Variants in ACE observed in about 807,000 individuals in gnomAD.
The protein encoded by ACE is angiotensin-converting enzyme.
A neutral mutation model predicts 162.3 loss-of-function variants in ACE; 122 were observed. The ratio of observed to expected loss-of-function variants is 0.75; its 90% CI spans 0.65 to 0.87. The LOEUF (loss-of-function observed/expected upper bound fraction) is 0.87, where lower values mean the gene tolerates loss of function less well. ACE is among the 40% of genes least tolerant of loss of function. The probability of loss-of-function intolerance (pLI) is 0.00; values close to 1 mark genes in which losing one functional copy is unlikely to be tolerated. For missense variants in ACE, 1,799 were observed against 1,735.1 expected, an observed-to-expected ratio of 1.04 and a Z score of -0.65; for synonymous variants, 796 against 720.6, an observed-to-expected ratio of 1.10 and a Z score of -1.68.
At chr17:63,485,171 G>T in intron 12 of ACE, 65 bp from the exon 13 acceptor site, 2 of 1,611,136 alleles carry the variant, frequency 1.2e-6, no homozygotes, top group Non-Finnish European at 1.7e-6. Flanking sequence ...ATGGCTTCTG[G>T]TGAGACCACA....
intron 17 of ACE, 117 bp downstream of exon 17, chr17:63,489,249 T>C: frequency 7.7e-7 from 1 of 1,291,308 alleles, no homozygotes; most frequent in Non-Finnish European, 1.1e-6. Context: ...ACTCCAGCCC[T>C]GTGGGGGATG....
chr17:63,481,462 A>G, intron 6 of ACE, 104 bp from the exon 7 acceptor site: 2 of 1,308,032 alleles, frequency 1.5e-6, no homozygotes, highest in Non-Finnish European at 2.1e-6. Context: ...CAGAGCAGAG[A>G]AGCTTTCATG....
In ACE at chr17:63,490,785, A is replaced by G. The variant is rs1599151183; in HGVS notation, c.2642-169A>G. 8 of 688,086 alleles carry G rather than the reference A, an allele frequency of 1.2e-5. No homozygotes were observed. The East Asian group carries it at 1.9e-4, about 16-fold the overall frequency. The allele number at this position is 688,086 out of a possible 1,614,324, so 42.6% of individuals were successfully genotyped here. A position where few individuals can be genotyped will look rare whatever the true frequency, so the allele number is the denominator to read the frequency against. ...GCAGTAATGACCTACTGGGCTGGAT[A>G]TGCACACCAAAGATGATGTGTGCCT... is the stretch of plus-strand genomic sequence containing the variant. On this transcript the variant is annotated intron_variant, in intron 17 of 24. Transcript: ENST00000290866.
rs780199864 is a variant in ACE at position 63,486,598 on chromosome 17, C to A, written c.2100C>A (p.Tyr700Ter). The stretch of plus-strand genomic sequence containing the variant: ...AAATAGCCAACCACACCCTGAAGTA[C>A]GGCACCCAGGCCAGGAAGTTTGATG... ...NMQIANHTLK[Y>*]GTQARKFDVN... Residue 700 changes from tyrosine to a stop codon, truncating the protein, a stop_gained, in exon 14 of 25, where the codon TAC (tyrosine) becomes TAA (stop). Transcript: ENST00000290866. LOFTEE classifies it high-confidence loss of function. 6.2e-7 allele frequency: 1 copy of A among 1,614,098 alleles called. No individual in the cohort carries two copies. The highest frequency in any genetic ancestry group is 1.3e-5 in the African/African-American group (1 of 74,930).
In ACE at chr17:63,483,979, G is replaced by A. The variant is rs760521014; in HGVS notation, c.1709+8G>A. ...GGCAGGGGCCAAGCTCCGGTGTGTGGTGGGAAGCCGGGGGAAGTGGGAGGC... is the reference window on the plus strand; with the variant it reads ...GGCAGGGGCCAAGCTCCGGTGTGTGATGGGAAGCCGGGGGAAGTGGGAGGC... On this transcript the variant is annotated splice_region_variant and intron_variant, in intron 11 of 24. Transcript: ENST00000290866. The A allele has an allele frequency of 2.5e-6, 4 of 1,611,536 alleles. No homozygotes were observed. The highest frequency in any genetic ancestry group is 1.3e-5 in the African/African-American group (1 of 74,868).
intron 24 of ACE, 66 bp downstream of exon 24, chr17:63,497,051 G>A (rs909497504): frequency 8.2e-6 from 13 of 1,586,434 alleles, no homozygotes; most frequent in East Asian, 2.3e-5. Flanking sequence ...GCAGCCATGC[G>A]GCTGACCTCG....
intron 6 of ACE, 46 bp downstream of exon 6, chr17:63,481,234 G>GC: frequency 6.4e-6 from 4 of 624,010 alleles, no homozygotes; most frequent in Non-Finnish European, 1.2e-5. Flanking sequence ...CGGGGGTGGG[G>GC]CGCAAAAAAA....
Position 63,484,438 on chromosome 17 carries a change from C to G in ACE, c.1818C>G (p.Val606=). ...AQPLLKYFQP[V]TQWLQEQNQQ... ...CGCTGCTCAAGTACTTCCAGCCAGTCACCCAGTGGCTGCAGGAGCAGAACC... is the reference window on the plus strand; with the variant it reads ...CGCTGCTCAAGTACTTCCAGCCAGTGACCCAGTGGCTGCAGGAGCAGAACC... The change falls in exon 12 of 25, where the codon GTC becomes GTG. Residue 606 remains valine (V), a synonymous_variant. Coordinates refer to ENST00000290866, the MANE Select transcript of ACE (RefSeq NM_000789.4). The surrounding 1 kb of genome is among the most constrained non-coding windows in gnomAD (Gnocchi z 4.0). The G allele has an allele frequency of 1.2e-6, 2 of 1,612,660 alleles. No homozygotes were observed. The highest frequency in any genetic ancestry group is 1.7e-6 in the Non-Finnish European group (2 of 1,179,946).
intron 13 of ACE, chr17:63,485,881 G>A (rs4326): frequency 0.46 from 90,631 of 198,534 alleles, 21,503 homozygotes; most frequent in East Asian, 0.65. Context: ...CTAGGTGGGA[G>A]GATCACTTGA....
intron 22 of ACE, among the ~76,000 whole-genome samples, chr17:63,495,348 GCTACAGGTAGCCCAGGCCAC>G (rs2030662710): frequency 6.6e-6 from 1 of 152,174 alleles, no homozygotes; most frequent in Admixed American, 6.5e-5. Context: ...GTGCCCCCGG[GCTACAGGTAGCCCAGGCCAC>G]CCCCAGAGGG....
At chr17:63,483,353 C>T in intron 9 of ACE, 107 bp from the exon 10 acceptor site, 2 of 1,458,892 alleles carry the variant, frequency 1.4e-6, no homozygotes, top group Non-Finnish European at 1.9e-6. Context: ...TTCCCCAGTT[C>T]CTCAGGATGG....
In ACE at chr17:63,478,343, C is replaced by T. The variant is rs1425994472; in HGVS notation, c.417+245C>T. On this transcript the variant is annotated intron_variant, in intron 2 of 24. Transcript: ENST00000290866. ...GGAAGCCAAATTCAAATACACTTCT[C>T]CCTAGGCTGGTTTATGAGCTTCTTT... The T allele has an allele frequency of 5.3e-6, 3 of 561,900 alleles. No homozygotes were observed. The East Asian group carries it at 9.3e-5, about 17-fold the overall frequency. The allele number at this position is 561,900 out of a possible 1,614,324, so 34.8% of individuals were successfully genotyped here.
At position 63,484,855 on chromosome 17, in the gene ACE, C is replaced by T. The variant is rs1323717704; in HGVS notation, c.1921+314C>T. 6.4e-7 allele frequency: 1 copy of T among 1,569,064 alleles called. No homozygotes were observed. The highest frequency in any genetic ancestry group is 1.7e-4 in the Middle Eastern group (1 of 5,990). On this transcript the variant is annotated intron_variant, in intron 12 of 24. Transcript: ENST00000290866. The surrounding 1 kb of genome is among the most constrained non-coding windows in gnomAD (Gnocchi z 4.0). Reference sequence around the variant, plus strand: ...AGGGGACGGTAGCTGCAGGACTCTGCTCTCCTGCGGCCATGGGCCAGGGTT... The same window carrying T: ...AGGGGACGGTAGCTGCAGGACTCTGTTCTCCTGCGGCCATGGGCCAGGGTT...
intron 15 of ACE, 59 bp downstream of exon 15, chr17:63,487,132 G>C: frequency 8.2e-6 from 12 of 1,469,284 alleles, no homozygotes; most frequent in Non-Finnish European, 1.1e-5. Context: ...ATGGGGCCCG[G>C]GGGTGCTGGG....
chr17:63,488,767 A>G lies in ACE; in HGVS notation c.2425A>G (p.Ile809Val), dbSNP rs762647568. The G allele has an allele frequency of 1.2e-5, 20 of 1,613,562 alleles. No homozygotes were observed. In the South Asian group the frequency reaches 2.2e-4, roughly 18 times the overall value. The change falls in exon 16 of 25, where the codon ATC (isoleucine) becomes GTC (valine). Residue 809 changes from isoleucine to valine, a missense_variant. Transcript: ENST00000290866. The part of the protein sequence containing the change: ...LQFYPKYVEL[I>V]NQAARLNGYV... Reference sequence around the variant, plus strand: ...GTTTTACCCGAAATACGTGGAACTCATCAACCAGGCTGCCCGGCTCAATGG... The same window carrying G: ...GTTTTACCCGAAATACGTGGAACTCGTCAACCAGGCTGCCCGGCTCAATGG...
rs1417948787 is a variant in ACE, at chr17:63,497,321, C to G, written c.3876C>G (p.Ser1292=). 1 of 1,549,136 alleles carries G rather than the reference C, an allele frequency of 6.5e-7. No individual in the cohort carries two copies. ...SIRHRSLHRH[S]HGPQFGSEVE... Reference sequence around the variant, plus strand: ...GCCACCGCAGCCTCCACCGGCACTCCCACGGGCCCCAGTTCGGCTCCGAGG... The same window carrying G: ...GCCACCGCAGCCTCCACCGGCACTCGCACGGGCCCCAGTTCGGCTCCGAGG... Residue 1292 remains serine (S), a synonymous_variant, in exon 25 of 25, where the codon TCC becomes TCG. Transcript: ENST00000290866.
rs2049678840 is a variant in ACE at position 63,479,905 on chromosome 17, G to A, written c.648G>A (p.Lys216=). The change falls in exon 4 of 25, where the codon AAG becomes AAA. Residue 216 remains lysine, a synonymous_variant. Transcript: ENST00000290866. The part of the protein sequence containing the change: ...DFTALSNEAY[K]QDGFTDTGAY... ...CTGCCCTCAGCAATGAAGCCTACAA[G>A]CAGGACGGTGAGCAGGCCTCTCCCT... 6.2e-7 allele frequency: 1 copy of A among 1,609,952 alleles called. No individual in the cohort carries two copies. Among genetic ancestry groups the A allele is most frequent in the Non-Finnish European group, 8.5e-7 (1 of 1,179,612 alleles).
rs2049738774 is a variant in ACE, at chr17:63,483,084, C to T, written c.1398C>T (p.Pro466=). The T allele has an allele frequency of 1.9e-6, 3 of 1,614,094 alleles. No homozygotes were observed. The highest frequency in any genetic ancestry group is 1.3e-5 in the African/African-American group (1 of 74,944). ...CACTGGAAAAAATTGCCTTCCTGCC[C>T]TTTGGCTACTTGGTGGACCAGTGGC... ...KMALEKIAFL[P]FGYLVDQWRW... Residue 466 remains proline (P), a synonymous_variant, in exon 9 of 25, where the codon CCC becomes CCT. Coordinates refer to ENST00000290866, the MANE Select transcript of ACE (RefSeq NM_000789.4).
Position 63,481,679 on chromosome 17 carries a change from C to G in ACE, c.1059C>G (p.Asp353Glu). ...WEGSMLEKPA[D>E]GREVVCHASA... ...GGTCGATGCTGGAGAAGCCGGCCGA[C>G]GGGCGGGAAGTGGTGTGCCACGCCT... is the stretch of plus-strand genomic sequence containing the variant. Residue 353 changes from aspartate to glutamate, a missense_variant, in exon 7 of 25, where the codon GAC becomes GAG. Asp to Glu is a conservative substitution (Grantham distance 45). Transcript: ENST00000290866. 1 of 1,613,950 alleles carries G rather than the reference C, an allele frequency of 6.2e-7. No individual in the cohort carries two copies. The highest frequency in any genetic ancestry group is 8.5e-7 in the Non-Finnish European group (1 of 1,179,988).
Sources: allele counts gnomAD v4.1 joint callset (sites outside exome capture counted in the v4.1 genomes callset), GRCh38; gene constraint gnomAD v4.1.1; non-coding constraint Gnocchi (gnomAD v3.1); transcripts MANE v1.5; gene names NCBI Gene and HGNC (gene_info 2026-07-23, HGNC 2026-07-21).